Variants in PRKN observed in about 807,000 individuals in gnomAD.
PRKN encodes the protein parkin RBR E3 ubiquitin protein ligase, also known as E3 ubiquitin-protein ligase parkin.
Under a neutral mutation model 59.5 loss-of-function variants are expected in PRKN, and 56 were observed. The observed-to-expected ratio is 0.94, with a 90% CI of 0.76 to 1.18. PRKN has a LOEUF of 1.18. Ranked by LOEUF, PRKN falls within the 50% of genes most tolerant of loss-of-function variation. The probability of loss-of-function intolerance (pLI) is 0.00; values close to 1 mark genes in which losing one functional copy is unlikely to be tolerated. For missense variants in PRKN, 657 were observed against 596.4 expected (o/e 1.10, Z -1.06); for synonymous variants, 250 against 222.1 (o/e 1.13, Z -1.12).
At chr6:161,559,132 T>C (rs1403155289) in intron 8 of PRKN, among the ~76,000 whole-genome samples, 3 of 151,464 alleles carry the variant, frequency 2.0e-5, no homozygotes, top group African/African-American at 4.8e-5. Context: ...TTTTTGGTTT[T>C]TTTTTTTCCA....
At chr6:162,472,737 C>T (rs1324729966) in intron 1 of PRKN, among the ~76,000 whole-genome samples, 7 of 120,140 alleles carry the variant, frequency 5.8e-5, no homozygotes, top group African/African-American at 1.5e-4. Flanking sequence ...ATGATCCACC[C>T]GCCTTGGCCT....
chr6:162,361,573 T>C (rs1785142513), intron 2 of PRKN, among the ~76,000 whole-genome samples: 1 of 152,152 alleles, frequency 6.6e-6, no homozygotes, highest in Non-Finnish European at 1.5e-5. Flanking sequence ...TATGAGACTT[T>C]CTTTTATAGT....
intron 6 of PRKN, among the ~76,000 whole-genome samples, chr6:161,844,122 G>A (rs979667497): frequency 6.6e-6 from 1 of 152,202 alleles, no homozygotes; most frequent in African/African-American, 2.4e-5. Flanking sequence ...TAAAAGTGGA[G>A]TGCTCAGTCT....
At chr6:162,013,637 C>T (rs1477807672) in intron 5 of PRKN, among the ~76,000 whole-genome samples, 4 of 152,106 alleles carry the variant, frequency 2.6e-5, no homozygotes, top group South Asian at 2.1e-4. Context: ...AGTGTTTATT[C>T]GAGACTCTTC....
chr6:162,636,178 A>G (rs1777703647), intron 1 of PRKN, among the ~76,000 whole-genome samples: 1 of 152,084 alleles, frequency 6.6e-6, no homozygotes, highest in Non-Finnish European at 1.5e-5. Context: ...TTAATGTTAA[A>G]TTGCTCTAAT....
chr6:162,646,129 C>T (rs897345452), intron 1 of PRKN, among the ~76,000 whole-genome samples: 2 of 152,058 alleles, frequency 1.3e-5, no homozygotes, highest in Non-Finnish European at 2.9e-5. Context: ...GCCTCGGCCT[C>T]CCAAAGTGCT....
intron 4 of PRKN, among the ~76,000 whole-genome samples, chr6:162,144,534 C>T (rs1230806030): frequency 1.3e-5 from 2 of 152,100 alleles, no homozygotes; most frequent in Non-Finnish European, 1.5e-5. Flanking sequence ...TCCGAGCCTT[C>T]CTGGGAGCTG....
At chr6:162,216,436 A>C (rs1022397953) in intron 3 of PRKN, among the ~76,000 whole-genome samples, 2 of 145,508 alleles carry the variant, frequency 1.4e-5, no homozygotes, top group African/African-American at 2.5e-5. Context: ...AGGCTGAGGC[A>C]GGAGAATGGC....
intron 2 of PRKN, among the ~76,000 whole-genome samples, chr6:162,412,572 T>A (rs1019676643): frequency 2.6e-5 from 4 of 152,116 alleles, no homozygotes; most frequent in Admixed American, 2.6e-4. Context: ...AAGTTCCATC[T>A]TCTTGGTTTT....
intron 6 of PRKN, among the ~76,000 whole-genome samples, chr6:161,861,130 C>T (rs980248398): frequency 5.9e-5 from 9 of 152,272 alleles, no homozygotes; most frequent in East Asian, 5.8e-4. Flanking sequence ...CACATGCACA[C>T]GTACGTTTAT....
chr6:161,853,017 G>A (rs1368144456), intron 6 of PRKN, among the ~76,000 whole-genome samples: 1 of 152,142 alleles, frequency 6.6e-6, no homozygotes, highest in East Asian at 1.9e-4. Context: ...TCAGTTTTAA[G>A]AGACACTGGG....
chr6:162,100,003 C>T lies in PRKN; in HGVS notation c.535-45829G>A, dbSNP rs141633336. On this transcript the variant is annotated intron_variant, in intron 4 of 11. Coordinates refer to ENST00000366898, the MANE Select transcript of PRKN (RefSeq NM_004562.3). Reference sequence around the variant, plus strand: ...CAGATTTCAGTGTTTTTAGATTCCACGTATACGTGAAACCGTGCAATATTT... The same window carrying T: ...CAGATTTCAGTGTTTTTAGATTCCATGTATACGTGAAACCGTGCAATATTT... 5.3e-3 allele frequency among the ~76,000 whole-genome samples: 800 copies of T among 152,340 alleles called. 5 individuals carry two copies. The highest frequency in any genetic ancestry group is 8.0e-3 in the Non-Finnish European group (544 of 68,036).
At chr6:161,757,871 C>CTCTCTCTCTCTCTCTCTGTGTG (rs1380898753) in intron 7 of PRKN, among the ~76,000 whole-genome samples, 24 of 97,984 alleles carry the variant, frequency 2.4e-4, no homozygotes, top group African/African-American at 4.9e-4. Flanking sequence ...CTCTCTCTCT[C>CTCTCTCTCTCTCTCTCTGTGTG]TGTGTATATA....
At chr6:162,366,584 T>C (rs878860486) in intron 2 of PRKN, among the ~76,000 whole-genome samples, 2 of 152,182 alleles carry the variant, frequency 1.3e-5, no homozygotes, top group Admixed American at 1.3e-4. Flanking sequence ...GTTTCTTTGA[T>C]CATACCTATA....
intron 2 of PRKN, among the ~76,000 whole-genome samples, chr6:162,290,994 A>T (rs1178412106): frequency 6.6e-6 from 1 of 152,176 alleles, no homozygotes; most frequent in African/African-American, 2.4e-5. Context: ...CGAAGTTCTG[A>T]GATAGTAGGA....
intron 1 of PRKN, among the ~76,000 whole-genome samples, chr6:162,559,805 A>G (rs748108362): frequency 6.6e-5 from 10 of 152,024 alleles, no homozygotes; most frequent in Non-Finnish European, 1.3e-4. Flanking sequence ...TATCCTACTG[A>G]TATTTTGTTG....
At chr6:162,126,882 T>C (rs1781148545) in intron 4 of PRKN, among the ~76,000 whole-genome samples, 1 of 152,206 alleles carries the variant, frequency 6.6e-6, no homozygotes, top group Non-Finnish European at 1.5e-5. Flanking sequence ...TTTCCTCATG[T>C]TACATTTTAC....
chr6:162,610,251 T>A (rs1782091882), intron 1 of PRKN, among the ~76,000 whole-genome samples: 1 of 152,182 alleles, frequency 6.6e-6, no homozygotes, highest in African/African-American at 2.4e-5. Flanking sequence ...TCATCCAAGG[T>A]CACACAGTTG....
chr6:161,543,039 A>G (rs1043727737), intron 9 of PRKN, among the ~76,000 whole-genome samples: 6 of 152,204 alleles, frequency 3.9e-5, no homozygotes, highest in African/African-American at 1.4e-4. Flanking sequence ...TTGATCATCT[A>G]CATGTTTTCT....
Sources: gnomAD v4.1 joint callset for allele counts (sites outside exome capture counted in the v4.1 genomes callset) on GRCh38, gnomAD v4.1.1 for gene constraint, MANE v1.5 for transcripts, NCBI Gene and HGNC (gene_info 2026-07-23, HGNC 2026-07-21) for gene names.